KSR2: variants seen among roughly 807,000 people sequenced by gnomAD.
The protein encoded by KSR2 is kinase suppressor of ras 2.
KSR2 carries 25 observed loss-of-function variants against 107.8 expected under a neutral mutation model. That is an observed-to-expected ratio of 0.23 (90% confidence interval 0.17 to 0.32). KSR2 has a LOEUF of 0.32. Among genes scored for constraint, KSR2 ranks in the 10% least tolerant of loss-of-function variants. The pLI is 1.00. For synonymous variants in KSR2, 480 were observed against 507.0 expected, an observed-to-expected ratio of 0.95 and a Z score of 0.71; for missense variants, 887 against 1,268.9, an observed-to-expected ratio of 0.70 and a Z score of 4.57.
In KSR2 at chr12:117,525,032, A is replaced by C. The variant is rs775113901; in HGVS notation, c.2039T>G (p.Val680Gly). The change falls in exon 14 of 20, where the codon GTG (valine) becomes GGG (glycine). Residue 680 changes from valine to glycine, a missense_variant. By Grantham distance (109) the Val-to-Gly change is moderately radical. Transcript: ENST00000339824. ...CTCGCCATGCCAGCGGCCGTGGTAC[A>C]CTTGCCCAAAGCGGCCCTTTCCAAT... ...ELIGKGRFGQ[V>G]YHGRWHGEVA... is the part of the protein sequence containing the mutation. 1.2e-6 allele frequency: 2 copies of C among 1,613,996 alleles called. No individual in the cohort carries two copies. Among genetic ancestry groups the C allele is most frequent in the Non-Finnish European group, 1.7e-6 (2 of 1,179,888 alleles).
At chr12:117,523,424 G>A (rs1874895785) in intron 14 of KSR2, among the ~76,000 whole-genome samples, 2 of 152,130 alleles carry the variant, frequency 1.3e-5, no homozygotes, top group South Asian at 4.1e-4. Flanking sequence ...TGTTACAGGG[G>A]AGTCAGCGCC....
chr12:117,915,874 C>T (rs2137442529), intron 1 of KSR2, among the ~76,000 whole-genome samples: 1 of 152,172 alleles, frequency 6.6e-6, no homozygotes, highest in African/African-American at 2.4e-5. Flanking sequence ...ACCCTACCAC[C>T]AGCTCCCCAC....
intron 3 of KSR2, among the ~76,000 whole-genome samples, chr12:117,762,098 C>T (rs561275251): frequency 6.6e-6 from 1 of 152,300 alleles, no homozygotes; most frequent in African/African-American, 2.4e-5. Flanking sequence ...TTCCACTGCC[C>T]CATAGCTGGG....
chr12:117,717,506 A>G (rs1335847498), intron 4 of KSR2, among the ~76,000 whole-genome samples: 1 of 152,174 alleles, frequency 6.6e-6, no homozygotes, highest in Non-Finnish European at 1.5e-5. Context: ...GTGACAAAGC[A>G]AGACCCTATC....
At chr12:117,490,620 T>C (rs528141206) in intron 14 of KSR2, among the ~76,000 whole-genome samples, 7 of 152,318 alleles carry the variant, frequency 4.6e-5, no homozygotes, top group Admixed American at 3.3e-4. Flanking sequence ...GGTCTCAAAC[T>C]CCTGGGCTAA....
At chr12:117,895,182 G>A (rs1441394266) in intron 1 of KSR2, among the ~76,000 whole-genome samples, 2 of 152,184 alleles carry the variant, frequency 1.3e-5, no homozygotes, top group South Asian at 2.1e-4. Context: ...GGCTGCAGTG[G>A]CCCATGATCA....
At chr12:117,566,015 T>G (rs1456992310) in intron 7 of KSR2, among the ~76,000 whole-genome samples, 1 of 152,208 alleles carries the variant, frequency 6.6e-6, no homozygotes, top group Non-Finnish European at 1.5e-5. Flanking sequence ...GTTACATAGG[T>G]AAACTCATGT....
intron 5 of KSR2, among the ~76,000 whole-genome samples, chr12:117,660,932 C>A (rs1593103616): frequency 6.6e-6 from 1 of 152,204 alleles, no homozygotes; most frequent in African/African-American, 2.4e-5. Flanking sequence ...GAGGGCTGGG[C>A]TCCTGGCTTC....
chr12:117,944,011 TCCA>T (rs2137543946), intron 1 of KSR2, among the ~76,000 whole-genome samples: 1 of 152,320 alleles, frequency 6.6e-6, no homozygotes, highest in East Asian at 1.9e-4. Context: ...CCTTTCACCT[TCCA>T]CCATGATAGT....
chr12:117,772,517 G>A (rs1347756692), intron 3 of KSR2, among the ~76,000 whole-genome samples: 1 of 93,920 alleles, frequency 1.1e-5, no homozygotes, highest in Non-Finnish European at 2.1e-5. Flanking sequence ...CCCCAAAGAC[G>A]CACACACACT....
chr12:117,855,170 C>T (rs1893057342), intron 3 of KSR2, among the ~76,000 whole-genome samples: 1 of 152,140 alleles, frequency 6.6e-6, no homozygotes, highest in African/African-American at 2.4e-5. Flanking sequence ...ATATCTGGAC[C>T]CTAATTATCC....
chr12:117,808,139 T>C (rs749380905), intron 3 of KSR2, among the ~76,000 whole-genome samples: 3 of 152,218 alleles, frequency 2.0e-5, no homozygotes, highest in African/African-American at 7.2e-5. Context: ...TTGACTCCAA[T>C]TGTGTAAAGC....
At chr12:117,614,452 T>C (rs1881765982) in intron 5 of KSR2, among the ~76,000 whole-genome samples, 1 of 152,238 alleles carries the variant, frequency 6.6e-6, no homozygotes, top group African/African-American at 2.4e-5. Context: ...TTGGATTTGT[T>C]TGGGCTAAAT....
intron 3 of KSR2, among the ~76,000 whole-genome samples, chr12:117,818,764 G>A (rs1241099045): frequency 1.3e-5 from 2 of 152,142 alleles, no homozygotes; most frequent in Non-Finnish European, 2.9e-5. Context: ...TTGGAGACAG[G>A]GATCTTAGTG....
intron 3 of KSR2, among the ~76,000 whole-genome samples, chr12:117,852,110 CA>C (rs1167201828): frequency 6.6e-6 from 1 of 151,600 alleles, no homozygotes; most frequent in Non-Finnish European, 1.5e-5. Flanking sequence ...CCATCTGGAT[CA>C]AAAAAATTTT....
At chr12:117,925,338 G>A (rs983753665) in intron 1 of KSR2, among the ~76,000 whole-genome samples, 1 of 151,540 alleles carries the variant, frequency 6.6e-6, no homozygotes, top group Non-Finnish European at 1.5e-5. Flanking sequence ...TGCCCAGGCT[G>A]GTCTCGAACT....
intron 3 of KSR2, among the ~76,000 whole-genome samples, chr12:117,848,598 G>A (rs1892782452): frequency 1.3e-5 from 2 of 152,320 alleles, no homozygotes; most frequent in South Asian, 4.1e-4. Context: ...GGGAGACCGT[G>A]GCTCAGAGGG....
At chr12:117,613,189 C>T (rs1158713352) in intron 5 of KSR2, among the ~76,000 whole-genome samples, 1 of 152,220 alleles carries the variant, frequency 6.6e-6, no homozygotes, top group African/African-American at 2.4e-5. Flanking sequence ...TCATACTTCC[C>T]TAGTGGGGCT....
intron 14 of KSR2, among the ~76,000 whole-genome samples, chr12:117,497,568 C>G (rs986205797): frequency 6.6e-6 from 1 of 152,182 alleles, no homozygotes; most frequent in Admixed American, 6.5e-5. Flanking sequence ...CAAAAGGTTT[C>G]CGGGCAGCAC....
Sources: allele counts gnomAD v4.1 joint callset (sites outside exome capture counted in the v4.1 genomes callset), GRCh38; gene constraint gnomAD v4.1.1; transcripts MANE v1.5; gene names NCBI Gene and HGNC (gene_info 2026-07-23, HGNC 2026-07-21).